The following AMBRA1 variants were observed in gnomAD, a reference collection of about 807,000 sequenced individuals.
AMBRA1 encodes the protein activating molecule in BECN1-regulated autophagy protein 1.
In AMBRA1, 47 loss-of-function variants were observed where a neutral mutation model predicts 125.4. The ratio of observed to expected loss-of-function variants is 0.37; its 90% CI spans 0.30 to 0.48. AMBRA1 has a LOEUF of 0.48. AMBRA1 is among the 20% of genes least tolerant of loss of function. The pLI, the probability that AMBRA1 is intolerant of heterozygous loss-of-function variation, is 0.99. For missense variants in AMBRA1, 1,331 were observed against 1,693.4 expected, an observed-to-expected ratio of 0.79 and a Z score of 3.76; for synonymous variants, 626 against 655.5, an observed-to-expected ratio of 0.95 and a Z score of 0.69.
chr11:46,409,209 CTTTTT>C (rs750273261), intron 16 of AMBRA1, among the ~76,000 whole-genome samples: 1 of 145,674 alleles, frequency 6.9e-6, no homozygotes, highest in East Asian at 2.0e-4. Flanking sequence ...AACTGGAACT[CTTTTT>C]TTTTTTTTGG....
Position 46,593,984 on chromosome 11 carries a change from A to T in AMBRA1, c.-277T>A, listed in dbSNP as rs1045706247. 32 of 398,490 alleles carry T rather than the reference A, an allele frequency of 8.0e-5. No homozygotes were observed. Among genetic ancestry groups the T allele is most frequent in the South Asian group, 1.3e-4 (1 of 7,860 alleles). The allele number at this position is 398,490 out of a possible 1,614,324, so 24.7% of individuals were successfully genotyped here. On this transcript the variant is annotated 5_prime_UTR_variant, in exon 1 of 18. Transcript: ENST00000683756. ...GGCCTCGCGGACAACTCAGCCCTCG[A>T]CCCGGCGCCGCCGCCGCTCAGGAGA...
chr11:46,429,047 A>G, intron 14 of AMBRA1: 1 of 1,611,270 alleles, frequency 6.2e-7, no homozygotes. Flanking sequence ...CTTGTCTGCC[A>G]GCTCCGGGTG....
intron 11 of AMBRA1, among the ~76,000 whole-genome samples, chr11:46,482,299 A>G (rs1230527942): frequency 6.6e-6 from 1 of 152,218 alleles, no homozygotes; most frequent in Admixed American, 6.5e-5. Flanking sequence ...TCACAATCTC[A>G]GAGCTATTTG....
chr11:46,434,745 C>T, intron 13 of AMBRA1, 104 bp downstream of exon 13: 3 of 1,192,604 alleles, frequency 2.5e-6, no homozygotes, highest in Non-Finnish European at 3.5e-6. Flanking sequence ...AAGGTAGGGG[C>T]AGTATGTGAC....
At chr11:46,500,311 T>C (rs898533011) in intron 9 of AMBRA1, among the ~76,000 whole-genome samples, 1 of 152,106 alleles carries the variant, frequency 6.6e-6, no homozygotes, top group Admixed American at 6.5e-5. Context: ...AAAAGTAAGA[T>C]GGCTGTGCTT....
chr11:46,487,336 T>C (rs186714229), intron 11 of AMBRA1, among the ~76,000 whole-genome samples: 48 of 148,640 alleles, frequency 3.2e-4, no homozygotes, highest in Non-Finnish European at 5.4e-4. Context: ...AACAAGTAAA[T>C]TGTTGTTAAC....
intron 9 of AMBRA1, among the ~76,000 whole-genome samples, chr11:46,495,669 G>A (rs1950604346): frequency 6.6e-6 from 1 of 152,136 alleles, no homozygotes; most frequent in African/African-American, 2.4e-5. Context: ...TGCAGTTACT[G>A]GGGAGCCCAC....
intron 1 of AMBRA1, among the ~76,000 whole-genome samples, chr11:46,563,335 C>A (rs1242367583): frequency 6.6e-6 from 1 of 152,144 alleles, no homozygotes; most frequent in Non-Finnish European, 1.5e-5. Context: ...AGTGATCTTC[C>A]CATCTCGGCC....
chr11:46,449,082 A>G (rs1948448495), intron 11 of AMBRA1, among the ~76,000 whole-genome samples: 1 of 152,168 alleles, frequency 6.6e-6, no homozygotes, highest in Non-Finnish European at 1.5e-5. Flanking sequence ...AACTAACATC[A>G]TACTCAATGG....
rs757353536 is a variant in AMBRA1 at position 46,545,611 on chromosome 11, G to A, written c.544C>T (p.Arg182Trp). 17 of 1,613,724 alleles carry A rather than the reference G, an allele frequency of 1.1e-5. No individual in the cohort carries two copies. The highest frequency in any genetic ancestry group is 4.0e-5 in the African/African-American group (3 of 74,878). The change falls in exon 5 of 18, where the codon CGG becomes TGG. Residue 182 changes from arginine (R) to tryptophan (W), a missense_variant. By Grantham distance (101) the Arg-to-Trp change is moderately radical (BLOSUM62 -3). Transcript: ENST00000683756. The part of the protein sequence containing the change: ...AVVKTASEME[R>W]VRLVRFDPLG... ...ATGGGGCAGCGCACTCACCGGACCC[G>A]TTCCATCTCACTAGCTGTCTTCACC...
At chr11:46,531,108 C>T (rs1952196949) in intron 7 of AMBRA1, among the ~76,000 whole-genome samples, 1 of 152,096 alleles carries the variant, frequency 6.6e-6, no homozygotes, top group African/African-American at 2.4e-5. Context: ...GTCTCCAACT[C>T]CTGACCTCAA....
At chr11:46,565,478 G>A (rs2043489244) in intron 1 of AMBRA1, among the ~76,000 whole-genome samples, 1 of 151,324 alleles carries the variant, frequency 6.6e-6, no homozygotes, top group Non-Finnish European at 1.5e-5. Flanking sequence ...AAGGTGAGGT[G>A]GGCAGATTGC....
At chr11:46,582,627 G>A (rs563938734) in intron 1 of AMBRA1, among the ~76,000 whole-genome samples, 2 of 152,240 alleles carry the variant, frequency 1.3e-5, no homozygotes, top group East Asian at 1.9e-4. Flanking sequence ...GTTTGGACGC[G>A]AATCCTGGTT....
chr11:46,582,684 T>G (rs925432003), intron 1 of AMBRA1, among the ~76,000 whole-genome samples: 1 of 152,222 alleles, frequency 6.6e-6, no homozygotes, highest in Non-Finnish European at 1.5e-5. Context: ...TTAATTTCTC[T>G]GTGCCACAAC....
rs367590170 is a variant in AMBRA1 at position 46,444,391 on chromosome 11, A to AT, written c.2522-794dup. Among the ~76,000 whole-genome samples the AT allele has an allele frequency of 2.1e-3, 317 of 152,264 alleles. 11 individuals carry two copies. In the South Asian group the frequency reaches 0.043, roughly 21 times the overall value. On this transcript the variant is annotated intron_variant, in intron 11 of 17. Coordinates refer to ENST00000683756, the MANE Select transcript of AMBRA1 (RefSeq NM_001387011.1). ...TGGTAACCAATTAAATAAAAAATGG[A>AT]TTTTTTTAACAGGGTGACACTTTAA...
intron 11 of AMBRA1, among the ~76,000 whole-genome samples, chr11:46,467,492 C>G (rs556701327): frequency 2.0e-5 from 3 of 151,052 alleles, no homozygotes; most frequent in African/African-American, 7.3e-5. Flanking sequence ...TTCCCATTCT[C>G]TTTTTACAAT....
At chr11:46,549,087 G>A (rs995894431) in intron 1 of AMBRA1, 4 of 151,432 alleles carry the variant, frequency 2.6e-5, no homozygotes, top group Admixed American at 1.3e-4. Flanking sequence ...GAAGGAAAGG[G>A]AAGGAAAAAA....
chr11:46,547,730 A>T, intron 3 of AMBRA1, 87 bp downstream of exon 3: 1 of 1,325,608 alleles, frequency 7.5e-7, no homozygotes, highest in Non-Finnish European at 1.1e-6. Flanking sequence ...GAGAGACTTT[A>T]GGGACTGACT....
chr11:46,460,576 GC>G (rs1949055110), intron 11 of AMBRA1, among the ~76,000 whole-genome samples: 1 of 152,110 alleles, frequency 6.6e-6, no homozygotes, highest in African/African-American at 2.4e-5. Flanking sequence ...GCCCACCTCA[GC>G]CTCCCAAAGT....
Sources: gnomAD v4.1 joint callset for allele counts (sites outside exome capture counted in the v4.1 genomes callset) on GRCh38, gnomAD v4.1.1 for gene constraint, MANE v1.5 for transcripts, NCBI Gene and HGNC (gene_info 2026-07-23, HGNC 2026-07-21) for gene names.